KIF21A: variants seen among roughly 807,000 people sequenced by gnomAD.
The protein encoded by KIF21A is kinesin family member 21A.
Under a neutral mutation model 202.9 loss-of-function variants are expected in KIF21A, and 114 were observed. That is an observed-to-expected ratio of 0.56 (90% CI 0.48 to 0.66). The LOEUF is 0.66. Ranked by LOEUF, KIF21A falls within the 30% of genes least tolerant of loss-of-function variation. The pLI, the probability that KIF21A is intolerant of heterozygous loss-of-function variation, is 0.00. For missense variants in KIF21A, 1,677 were observed against 1,994.9 expected, an observed-to-expected ratio of 0.84 and a Z score of 3.04; for synonymous variants, 667 against 670.8, an observed-to-expected ratio of 0.99 and a Z score of 0.09.
intron 36 of KIF21A, among the ~76,000 whole-genome samples, chr12:39,302,665 T>C (rs75717271): frequency 0.064 from 9,764 of 152,172 alleles, 1,048 homozygotes; most frequent in African/African-American, 0.22. Context: ...AATGAGAAAC[T>C]GCAACTGCTC....
intron 1 of KIF21A, among the ~76,000 whole-genome samples, chr12:39,407,414 C>A (rs1952682153): frequency 6.6e-6 from 1 of 152,122 alleles, no homozygotes; most frequent in South Asian, 2.1e-4. Flanking sequence ...TCTCCTGTAC[C>A]TCCTTTACTC....
chr12:39,347,151 A>T (rs1205358112), intron 11 of KIF21A, among the ~76,000 whole-genome samples: 5 of 151,800 alleles, frequency 3.3e-5, no homozygotes, highest in Non-Finnish European at 7.4e-5. Flanking sequence ...TATTAATTGA[A>T]AATAAAATTT....
intron 16 of KIF21A, among the ~76,000 whole-genome samples, chr12:39,339,041 G>C (rs768795859): frequency 6.6e-6 from 1 of 152,114 alleles, no homozygotes; most frequent in African/African-American, 2.4e-5. Flanking sequence ...CACTTTGGGA[G>C]GTCGAGGTTA....
chr12:39,405,925 T>A (rs1346295103), intron 1 of KIF21A, among the ~76,000 whole-genome samples: 1 of 152,214 alleles, frequency 6.6e-6, no homozygotes, highest in Non-Finnish European at 1.5e-5. Flanking sequence ...CCCATCATTA[T>A]ATGTGTGACT....
rs779296774 is a variant in KIF21A, at chr12:39,325,893, G to A, written c.3402C>T (p.Ser1134=). 2 of 1,609,110 alleles carry A rather than the reference G, an allele frequency of 1.2e-6. No homozygotes were observed. The highest frequency in any genetic ancestry group is 1.7e-6 in the Non-Finnish European group (2 of 1,176,332). Residue 1134 remains serine, a splice_region_variant and synonymous_variant, in exon 26 of 38, where the codon AGC becomes AGT. Transcript: ENST00000361418. ...APLNSPGSEG[S]TLSSDLMKLC... ...GCTTCATGAGATCTGAAGACAGCGT[G>A]CTATGTGCAAATAAATAATTAAGCA...
rs1565807147 is a variant in KIF21A at position 39,331,811 on chromosome 12, T to C, written c.3052-20A>G. 6.5e-7 allele frequency: 1 copy of C among 1,529,890 alleles called. No homozygotes were observed. The highest frequency in any genetic ancestry group is 2.3e-5 in the East Asian group (1 of 44,398). The allele number at this position is 1,529,890 out of a possible 1,614,324, so 94.8% of individuals were successfully genotyped here. A position where few individuals can be genotyped will look rare whatever the true frequency, so the allele number is the denominator to read the frequency against. On this transcript the variant is annotated intron_variant, in intron 21 of 37. Transcript: ENST00000361418. ...TTCTTCCTGTATAAAATCAGCATAA[T>C]ATGATGACCATTACTTTGAGCTGAA...
chr12:39,346,153 T>C (rs1406817042), intron 12 of KIF21A, among the ~76,000 whole-genome samples: 1 of 152,010 alleles, frequency 6.6e-6, no homozygotes, highest in Non-Finnish European at 1.5e-5. Flanking sequence ...ATAAATCAAA[T>C]GGCAGGGGTT....
chr12:39,412,986 T>A (rs1953239796), intron 1 of KIF21A, among the ~76,000 whole-genome samples: 1 of 152,234 alleles, frequency 6.6e-6, no homozygotes, highest in Non-Finnish European at 1.5e-5. Flanking sequence ...CAAATATGAA[T>A]TCGGCCTTCA....
At chr12:39,369,364 G>A (rs560925201) in intron 3 of KIF21A, among the ~76,000 whole-genome samples, 1 of 152,186 alleles carries the variant, frequency 6.6e-6, no homozygotes, top group Admixed American at 6.5e-5. Flanking sequence ...GGAGGCTGAG[G>A]CACAAGAATC....
Position 39,322,124 on chromosome 12 carries a change from A to G in KIF21A, c.3671+544T>C, listed in dbSNP as rs545140947. 4 of 152,320 alleles carry G rather than the reference A, an allele frequency of 2.6e-5. No individual in the cohort carries two copies. The South Asian group carries it at 6.2e-4, about 24-fold the overall frequency. 9.4% of individuals were successfully genotyped at this position (152,320 alleles called of 1,614,324 possible). A position where few individuals can be genotyped will look rare whatever the true frequency, so the allele number is the denominator to read the frequency against. On this transcript the variant is annotated intron_variant, in intron 27 of 37. Transcript: ENST00000361418. ...CAAATCTTTAATAATACCAATAAAA[A>G]TATTTTTGGGGCATACACTCATCCC...
At chr12:39,424,857 GCATATTAGAT>G (rs1954621490) in intron 1 of KIF21A, among the ~76,000 whole-genome samples, 1 of 151,958 alleles carries the variant, frequency 6.6e-6, no homozygotes, top group Non-Finnish European at 1.5e-5. Context: ...TTTCTGAAAT[GCATATTAGAT>G]CATGTCACAT....
Position 39,405,306 on chromosome 12 carries a change from T to A in KIF21A, c.45-35045A>T, listed in dbSNP as rs115584713. Among the ~76,000 whole-genome samples, 871 of 152,162 alleles carry A rather than the reference T, an allele frequency of 5.7e-3. 11 individuals are homozygous for A. Among genetic ancestry groups the A allele is most frequent in the African/African-American group, 0.018 (762 of 41,526 alleles). Reference sequence around the variant, plus strand: ...GGCAGAGGTAGCAGTGAGCCAAGACTGTGCCATTACACTCCAGCCTGGACG... The same window carrying A: ...GGCAGAGGTAGCAGTGAGCCAAGACAGTGCCATTACACTCCAGCCTGGACG... On this transcript the variant is annotated intron_variant, in intron 1 of 37. Transcript: ENST00000361418.
intron 1 of KIF21A, among the ~76,000 whole-genome samples, chr12:39,398,821 C>G (rs1951948642): frequency 2.0e-5 from 3 of 152,128 alleles, no homozygotes; most frequent in Admixed American, 2.0e-4. Context: ...AGTCAGCCCT[C>G]TATATCCCCA....
chr12:39,309,599 T>G lies in KIF21A; in HGVS notation c.4264A>C (p.Ile1422Leu). 1 of 1,611,360 alleles carries G rather than the reference T, an allele frequency of 6.2e-7. No homozygotes were observed. The highest frequency in any genetic ancestry group is 2.2e-5 in the East Asian group (1 of 44,804). The change falls in exon 33 of 38, where the codon ATT becomes CTT. Residue 1422 changes from isoleucine (I) to leucine (L), a missense_variant. Transcript: ENST00000361418. ...CAAGTTACTTACGTTAGTGTTCGAA[T>G]GCACTTTGCTGAATCTCTGATATCC... ...VWDIRDSAKC[I>L]RTLTSSGQVT...
intron 1 of KIF21A, among the ~76,000 whole-genome samples, chr12:39,416,370 C>T (rs201190596): frequency 6.6e-6 from 1 of 151,792 alleles, no homozygotes; most frequent in Non-Finnish European, 1.5e-5. Flanking sequence ...CCGAGAAGGG[C>T]GGATCACCTG....
chr12:39,411,998 C>A (rs185869440), intron 1 of KIF21A, among the ~76,000 whole-genome samples: 1 of 151,980 alleles, frequency 6.6e-6, no homozygotes, highest in East Asian at 1.9e-4. Flanking sequence ...CTGCACCCAG[C>A]TAATTTTTGT....
At chr12:39,398,894 CACAATAAAAAA>C (rs1207201544) in intron 1 of KIF21A, among the ~76,000 whole-genome samples, 1 of 149,688 alleles carries the variant, frequency 6.7e-6, no homozygotes, top group African/African-American at 2.4e-5. Flanking sequence ...TTAAAAATAA[CACAATAAAAAA>C]ACAATAAAAA....
At chr12:39,342,771 G>T (rs1453853024) in intron 12 of KIF21A, among the ~76,000 whole-genome samples, 1 of 152,112 alleles carries the variant, frequency 6.6e-6, no homozygotes, top group Non-Finnish European at 1.5e-5. Context: ...GCTGCCCTTT[G>T]ATTGAATAGA....
At chr12:39,439,348 G>GT (rs1311904440) in intron 1 of KIF21A, among the ~76,000 whole-genome samples, 2 of 152,128 alleles carry the variant, frequency 1.3e-5, no homozygotes, top group African/African-American at 4.8e-5. Flanking sequence ...TTAACTCAAT[G>GT]TAAGCAAAGT....
Sources: allele counts gnomAD v4.1 joint callset (sites outside exome capture counted in the v4.1 genomes callset), GRCh38; gene constraint gnomAD v4.1.1; transcripts MANE v1.5; gene names NCBI Gene and HGNC (gene_info 2026-07-23, HGNC 2026-07-21).